Variants in SPMIP3 observed in about 807,000 individuals in gnomAD.
SPMIP3 encodes protein SPMIP3.
the SPMIP3 span, among the ~76,000 whole-genome samples, chr1:244,379,744 C>A: frequency 6.6e-6 from 1 of 152,044 alleles, no homozygotes; most frequent in Admixed American, 6.6e-5. Flanking sequence ...CTTTGGGAGG[C>A]CGAGGCAGGC....
the SPMIP3 span, among the ~76,000 whole-genome samples, chr1:244,377,769 C>T: frequency 6.6e-6 from 1 of 152,110 alleles, no homozygotes; most frequent in African/African-American, 2.4e-5. Context: ...GTCCATCAAA[C>T]CCCAAGAGGC....
chr1:244,389,053 C>A, the SPMIP3 span: 1 of 1,612,334 alleles, frequency 6.2e-7, no homozygotes, highest in Admixed American at 1.7e-5. Flanking sequence ...GAAAGAAATG[C>A]TTTTAAACTA....
the SPMIP3 span, among the ~76,000 whole-genome samples, chr1:244,360,119 T>A: frequency 6.6e-6 from 1 of 151,352 alleles, no homozygotes; most frequent in Non-Finnish European, 1.5e-5. Flanking sequence ...AAAAAAAAAG[T>A]TCAACATTAC....
chr1:244,386,090 T>C, the SPMIP3 span, among the ~76,000 whole-genome samples: 1 of 152,024 alleles, frequency 6.6e-6, no homozygotes, highest in East Asian at 1.9e-4. Flanking sequence ...GGCAGGAGAA[T>C]TGTTTGAACC....
At chr1:244,364,747 T>G in the SPMIP3 span, 1 of 1,613,962 alleles carries the variant, frequency 6.2e-7, no homozygotes. Context: ...CGCCCAGTGA[T>G]CCCGCCAAGG....
At chr1:244,379,147 C>A in the SPMIP3 span, among the ~76,000 whole-genome samples, 1 of 151,692 alleles carries the variant, frequency 6.6e-6, no homozygotes, top group South Asian at 2.1e-4. Flanking sequence ...CCGGGATGGT[C>A]TCGAACTCCT....
At chr1:244,358,110 A>G in the SPMIP3 span, among the ~76,000 whole-genome samples, 1 of 151,902 alleles carries the variant, frequency 6.6e-6, no homozygotes, top group Non-Finnish European at 1.5e-5. Context: ...CACGCCTGTA[A>G]TCCCAGCTGC....
At chr1:244,362,670 G>A in the SPMIP3 span, among the ~76,000 whole-genome samples, 19 of 152,100 alleles carry the variant, frequency 1.2e-4, no homozygotes, top group South Asian at 4.1e-4. Flanking sequence ...GTCTCAGTCC[G>A]ATGTTCTCCT....
At chr1:244,366,699 G>T in the SPMIP3 span, among the ~76,000 whole-genome samples, 2 of 152,216 alleles carry the variant, frequency 1.3e-5, no homozygotes, top group Admixed American at 1.3e-4. Flanking sequence ...GGCCAACATG[G>T]TGAAACCCTG....
chr1:244,361,055 C>T, the SPMIP3 span, among the ~76,000 whole-genome samples: 4 of 150,998 alleles, frequency 2.6e-5, no homozygotes, highest in Non-Finnish European at 4.4e-5. Flanking sequence ...ATTGAACTTG[C>T]GGAGACGGAG....
chr1:244,383,733 G>A, the SPMIP3 span, among the ~76,000 whole-genome samples: 1 of 152,158 alleles, frequency 6.6e-6, no homozygotes, highest in African/African-American at 2.4e-5. Context: ...AGCATGACAT[G>A]TTTGAGGAAC....
At chr1:244,373,851 T>C in the SPMIP3 span, among the ~76,000 whole-genome samples, 6 of 152,070 alleles carry the variant, frequency 3.9e-5, no homozygotes, top group South Asian at 2.1e-4. Flanking sequence ...CAGTGGCTCA[T>C]GCCTGTAATC....
the SPMIP3 span, among the ~76,000 whole-genome samples, chr1:244,356,003 C>A: frequency 0.4 from 60,715 of 151,940 alleles, 12,704 homozygotes; most frequent in Middle Eastern, 0.5. Flanking sequence ...AATCTTGTAT[C>A]CTATGATCTC....
chr1:244,388,970 C>CTGGT, the SPMIP3 span: 2 of 1,613,208 alleles, frequency 1.2e-6, no homozygotes, highest in South Asian at 2.2e-5. Flanking sequence ...AGAAATTAGC[C>CTGGT]ACAGTTTCGC....
chr1:244,383,866 C>T, the SPMIP3 span, among the ~76,000 whole-genome samples: 2 of 152,164 alleles, frequency 1.3e-5, no homozygotes, highest in South Asian at 2.1e-4. Context: ...CAGGGTTTGG[C>T]CTCTAGTCTG....
the SPMIP3 span, among the ~76,000 whole-genome samples, chr1:244,373,174 A>G: frequency 1.3e-5 from 2 of 151,656 alleles, no homozygotes; most frequent in Non-Finnish European, 2.9e-5. Context: ...TGAGCCCAGG[A>G]GTTCCAGACC....
chr1:244,386,003 AACAC>A, the SPMIP3 span, among the ~76,000 whole-genome samples: 29,287 of 145,382 alleles, frequency 0.2, 3,096 homozygotes, highest in African/African-American at 0.28. Flanking sequence ...ATCTCTACAA[AACAC>A]ACACACACAC....
At chr1:244,355,135 G>A in the SPMIP3 span, among the ~76,000 whole-genome samples, 4 of 152,196 alleles carry the variant, frequency 2.6e-5, no homozygotes, top group Non-Finnish European at 5.9e-5. Flanking sequence ...GAGCCTTGGG[G>A]TCAGACAGAC....
the SPMIP3 span, among the ~76,000 whole-genome samples, chr1:244,368,777 C>T: frequency 1.5e-4 from 23 of 152,216 alleles, no homozygotes; most frequent in Admixed American, 9.2e-4. Flanking sequence ...CTCAGAGCTA[C>T]GCTACAGAAA....
Sources: gnomAD v4.1 joint callset for allele counts (sites outside exome capture counted in the v4.1 genomes callset) on GRCh38, gnomAD v4.1.1 for gene constraint, MANE v1.5 for transcripts, NCBI Gene and HGNC (gene_info 2026-07-23, HGNC 2026-07-21) for gene names.